MMP28: variants seen among roughly 807,000 people sequenced by gnomAD.
MMP28 encodes the protein matrix metallopeptidase 28.
A neutral mutation model predicts 60.5 loss-of-function variants in MMP28; 55 were observed. The observed-to-expected ratio is 0.91, with a 90% CI of 0.73 to 1.14. The LOEUF is 1.14. MMP28 is among the 50% of genes most tolerant of loss of function. The probability of loss-of-function intolerance (pLI) is 0.00; values close to 1 mark genes in which losing one functional copy is unlikely to be tolerated. For missense variants in MMP28, 686 were observed against 738.3 expected, an observed-to-expected ratio of 0.93 and a Z score of 0.82; for synonymous variants, 318 against 312.5, an observed-to-expected ratio of 1.02 and a Z score of -0.18.
intron 3 of MMP28, among the ~76,000 whole-genome samples, chr17:35,777,517 C>T (rs2086369336): frequency 6.6e-6 from 1 of 152,212 alleles, no homozygotes; most frequent in South Asian, 2.1e-4. Flanking sequence ...CCCACAATTT[C>T]CTTACAGGTT....
downstream of MMP28, among the ~76,000 whole-genome samples, chr17:35,761,514 A>C (rs1555601517): frequency 2.0e-5 from 3 of 152,022 alleles, no homozygotes; most frequent in African/African-American, 7.2e-5. Context: ...CCCAGGCACA[A>C]GTGATTCTCC....
At chr17:35,756,775 C>T (rs933821522) in intron 2 of MMP28, among the ~76,000 whole-genome samples, 2 of 151,840 alleles carry the variant, frequency 1.3e-5, no homozygotes, top group Non-Finnish European at 2.9e-5. Context: ...GCCTATCTTT[C>T]TATTAAGATG....
At position 35,766,826 on chromosome 17, in the gene MMP28, C is replaced by T. The variant is rs1598415813; in HGVS notation, c.1237G>A (p.Gly413Ser). Reference sequence around the variant, plus strand: ...GCGGCGTCAGGATGGCGGGGCAGGCCCCCTGCCCGGCACAGCTGTGGGAGA... The same window carrying T: ...GCGGCGTCAGGATGGCGGGGCAGGCTCCCTGCCCGGCACAGCTGTGGGAGA... ...WGLPQLCRAG[G>S]LPRHPDAALF... Residue 413 changes from glycine to serine, a missense_variant, in exon 8 of 8, where the codon GGC becomes AGC. Transcript: ENST00000605424. This position sits in a 1 kb window ranked among gnomAD's most constrained non-coding sequence, Gnocchi z 4.3. 1 of 1,574,836 alleles carries T rather than the reference C, an allele frequency of 6.3e-7. No homozygotes were observed. The highest frequency in any genetic ancestry group is 8.6e-7 in the Non-Finnish European group (1 of 1,160,882).
chr17:35,767,613 G>T, intron 7 of MMP28, 139 bp downstream of exon 7: 1 of 1,009,034 alleles, frequency 9.9e-7, no homozygotes, highest in Non-Finnish European at 1.4e-6. Context: ...TCTTCCCTGG[G>T]GTCACAGGTT....
intron 4 of MMP28, 32 bp downstream of exon 4, chr17:35,773,148 T>C (rs201516860): frequency 1.3e-6 from 2 of 1,594,516 alleles, no homozygotes; most frequent in African/African-American, 2.7e-5. Flanking sequence ...GTTCCCCTCC[T>C]GCTGTGCGGG....
chr17:35,782,321 C>T (rs2086530455), intron 1 of MMP28, among the ~76,000 whole-genome samples: 1 of 152,174 alleles, frequency 6.6e-6, no homozygotes, highest in Non-Finnish European at 1.5e-5. Flanking sequence ...TACCAAAGTG[C>T]TGGGATTACA....
In MMP28 at chr17:35,783,273, T is replaced by C. The variant is rs149795328; in HGVS notation, c.112-3950A>G. Reference sequence around the variant, plus strand: ...ATTTAGCATAGTGCCTGGTACAAAGTAAATACTCAATAAACAATTGATCTG... The same window carrying C: ...ATTTAGCATAGTGCCTGGTACAAAGCAAATACTCAATAAACAATTGATCTG... On this transcript the variant is annotated intron_variant, in intron 1 of 7. Coordinates refer to ENST00000605424, the MANE Select transcript of MMP28 (RefSeq NM_024302.5). Among the ~76,000 whole-genome samples, 992 of 152,348 alleles carry C rather than the reference T, an allele frequency of 6.5e-3. 11 individuals carry two copies. Among genetic ancestry groups the C allele is most frequent in the African/African-American group, 0.023 (948 of 41,580 alleles).
At chr17:35,760,894 C>G (rs375688582), downstream of MMP28, 1 of 1,611,916 alleles carries the variant, frequency 6.2e-7, no homozygotes, top group African/African-American at 1.3e-5. Flanking sequence ...GGCACCCTCT[C>G]ACATCCCAGT....
At chr17:35,764,579 C>T (rs782341306), downstream of MMP28, 1 of 1,594,666 alleles carries the variant, frequency 6.3e-7, no homozygotes, top group East Asian at 2.4e-5. Flanking sequence ...TTCTGGATCA[C>T]CCGGATCTGG....
At chr17:35,768,552 C>G (rs2086018542) in intron 5 of MMP28, among the ~76,000 whole-genome samples, 173 bp from the exon 6 acceptor site, 1 of 152,134 alleles carries the variant, frequency 6.6e-6, no homozygotes, top group Admixed American at 6.5e-5. Context: ...TGGTTCACAC[C>G]TGTAATCCCA....
In MMP28 at chr17:35,766,827, C is replaced by G. The variant is rs1365082521; in HGVS notation, c.1236G>C (p.Gly412=). The G allele has an allele frequency of 5.1e-6, 8 of 1,574,792 alleles. No homozygotes were observed. In the Admixed American group the frequency reaches 9.2e-5, roughly 18 times the overall value. Residue 412 remains glycine, a synonymous_variant, in exon 8 of 8, where the codon GGG becomes GGC. Transcript: ENST00000605424. The surrounding 1 kb of genome is among the most constrained non-coding windows in gnomAD (Gnocchi z 4.3). ...VWGLPQLCRA[G]GLPRHPDAAL... ...CGGCGTCAGGATGGCGGGGCAGGCC[C>G]CCTGCCCGGCACAGCTGTGGGAGAC... is the stretch of plus-strand genomic sequence containing the variant.
chr17:35,764,652 AT>A (rs2085900067), downstream of MMP28: 3 of 1,535,800 alleles, frequency 2.0e-6, no homozygotes, highest in Non-Finnish European at 1.7e-6. Flanking sequence ...GCCCTCCATC[AT>A]TTCCTGGCCC....
intron 1 of MMP28, among the ~76,000 whole-genome samples, chr17:35,794,701 C>G (rs1395179438): frequency 2.0e-5 from 3 of 152,184 alleles, no homozygotes; most frequent in African/African-American, 7.2e-5. Context: ...CCCTTAAGTT[C>G]AGTCCTGAAG....
At chr17:35,760,971 G>T, downstream of MMP28, 2 of 1,611,160 alleles carry the variant, frequency 1.2e-6, no homozygotes, top group Non-Finnish European at 1.7e-6. Flanking sequence ...GGGGCTGGAG[G>T]CAGGGTGGGG....
intron 3 of MMP28, 30 bp downstream of exon 3, chr17:35,778,858 T>C (rs775782779): frequency 1.9e-6 from 3 of 1,614,040 alleles, no homozygotes; most frequent in Non-Finnish European, 2.5e-6. Flanking sequence ...TTGGGAAATC[T>C]TGGCCTAGCC....
chr17:35,761,356 C>G (rs2085816400), downstream of MMP28, among the ~76,000 whole-genome samples: 1 of 151,678 alleles, frequency 6.6e-6, no homozygotes, highest in African/African-American at 2.4e-5. Context: ...AGTGATCCAC[C>G]CACCTTGGCC....
downstream of MMP28, among the ~76,000 whole-genome samples, chr17:35,761,786 T>C (rs587715016): frequency 1.3e-5 from 2 of 152,278 alleles, no homozygotes; most frequent in African/African-American, 4.8e-5. Context: ...CCAGATTCCA[T>C]AGCGCAGCAC....
At chr17:35,760,041 C>T (rs1043352644) in intron 2 of MMP28, among the ~76,000 whole-genome samples, 36 of 152,326 alleles carry the variant, frequency 2.4e-4, no homozygotes, top group African/African-American at 7.2e-4. Context: ...GGTCTGCTCT[C>T]TGTTCTCCAG....
rs1471328872 is a variant in MMP28, at chr17:35,783,777, TG to T, written c.112-4455del. On this transcript the variant is annotated intron_variant, in intron 1 of 7. Transcript: ENST00000605424. Reference sequence around the variant, plus strand: ...AGGCAAGACGGGGTGGAGGGCAGGATGGGGGTTGGGGGTGAGGGCCTTTTTC... The same window carrying T: ...AGGCAAGACGGGGTGGAGGGCAGGATGGGGTTGGGGGTGAGGGCCTTTTTC... Among the ~76,000 whole-genome samples, 6 of 147,330 alleles carry T rather than the reference TG, an allele frequency of 4.1e-5. No homozygotes were observed. The East Asian group carries it at 1.2e-3, about 30-fold the overall frequency.
Sources: gnomAD v4.1 joint callset for allele counts (sites outside exome capture counted in the v4.1 genomes callset) on GRCh38, gnomAD v4.1.1 for gene constraint, Gnocchi (gnomAD v3.1) non-coding constraint, MANE v1.5 for transcripts, NCBI Gene and HGNC (gene_info 2026-07-23, HGNC 2026-07-21) for gene names.